FAM168A: variants seen among roughly 807,000 people sequenced by gnomAD.
FAM168A encodes protein FAM168A.
FAM168A carries 3 observed loss-of-function variants against 28.5 expected under a neutral mutation model. The ratio of observed to expected loss-of-function variants is 0.11; its 90% CI spans 0.05 to 0.27. The LOEUF (loss-of-function observed/expected upper bound fraction) is 0.27, where lower values mean the gene tolerates loss of function less well. FAM168A is among the 10% of genes least tolerant of loss of function. The probability of loss-of-function intolerance (pLI) is 1.00; values close to 1 mark genes in which losing one functional copy is unlikely to be tolerated. For missense variants in FAM168A, 222 were observed against 311.5 expected (o/e 0.71, Z 2.16); for synonymous variants, 122 against 124.2 (o/e 0.98, Z 0.12).
intron 1 of FAM168A, among the ~76,000 whole-genome samples, chr11:73,492,343 T>C (rs1868140258): frequency 6.6e-6 from 1 of 152,172 alleles, no homozygotes; most frequent in Non-Finnish European, 1.5e-5. Flanking sequence ...AGCAAAAGAC[T>C]TGGTTTAAAA....
At chr11:73,497,769 G>A (rs1174726507) in intron 1 of FAM168A, among the ~76,000 whole-genome samples, 2 of 152,090 alleles carry the variant, frequency 1.3e-5, no homozygotes, top group African/African-American at 4.8e-5. Flanking sequence ...GGGGGATGGG[G>A]AAGGGATAGC....
Position 73,445,419 on chromosome 11 carries a change from C to CTTTTTTTT in FAM168A, c.71-14657_71-14650dup, listed in dbSNP as rs56294455. Among the ~76,000 whole-genome samples the CTTTTTTTT allele has an allele frequency of 3.4e-4, 17 of 50,458 alleles. 2 individuals carry two copies. The highest frequency in any genetic ancestry group is 7.1e-4 in the African/African-American group (10 of 14,030). The allele number at this position is 50,458 out of a possible 152,430, so 33.1% of individuals were successfully genotyped here. A position where few individuals can be genotyped will look rare whatever the true frequency, so the allele number is the denominator to read the frequency against. ...CCAGTAGATATATGTAAAAATGTCT[C>CTTTTTTTT]TTTTTTTTTTTTTTTTTTTTTTTTT... On this transcript the variant is annotated intron_variant, in intron 2 of 7. Transcript: ENST00000356467.
chr11:73,478,401 G>C (rs1867921432), intron 1 of FAM168A, among the ~76,000 whole-genome samples: 1 of 152,166 alleles, frequency 6.6e-6, no homozygotes, highest in African/African-American at 2.4e-5. Flanking sequence ...TATATGAAAT[G>C]TTCAGAAAAG....
chr11:73,470,907 A>G (rs1316448762), intron 1 of FAM168A, among the ~76,000 whole-genome samples: 1 of 152,060 alleles, frequency 6.6e-6, no homozygotes, highest in African/African-American at 2.4e-5. Context: ...AATCAAAGAA[A>G]CTCATCAGCT....
chr11:73,428,142 C>T (rs938807658), intron 3 of FAM168A, among the ~76,000 whole-genome samples: 5 of 152,160 alleles, frequency 3.3e-5, no homozygotes, highest in Non-Finnish European at 7.3e-5. Flanking sequence ...ACCTGCTACT[C>T]AACTTCCCAA....
chr11:73,434,042 C>T (rs1393551727), intron 2 of FAM168A, among the ~76,000 whole-genome samples: 3 of 152,078 alleles, frequency 2.0e-5, no homozygotes, highest in Non-Finnish European at 4.4e-5. Context: ...GATGGGGTTT[C>T]ACCATGTTGG....
intron 2 of FAM168A, among the ~76,000 whole-genome samples, chr11:73,465,608 G>A (rs1867723049): frequency 6.6e-6 from 1 of 152,198 alleles, no homozygotes; most frequent in Non-Finnish European, 1.5e-5. Context: ...ACAGCAGAAA[G>A]AGCTCTGGTG....
rs113301961 is a variant in FAM168A at position 73,540,864 on chromosome 11, G to T, written c.-19+57059C>A. On this transcript the variant is annotated intron_variant, in intron 1 of 7. Coordinates refer to ENST00000356467, the MANE Select transcript of FAM168A (RefSeq NM_015159.3). ...GTTACAACTGTATCTCCAGCACTTT[G>T]AGCAGTGACCACTAGAGCAGGTGCT... Among the ~76,000 whole-genome samples, 1,082 of 152,214 alleles carry T rather than the reference G, an allele frequency of 7.1e-3. 13 individuals are homozygous for T. Among genetic ancestry groups the T allele is most frequent in the African/African-American group, 0.023 (946 of 41,532 alleles).
intron 1 of FAM168A, among the ~76,000 whole-genome samples, chr11:73,526,202 A>T (rs1032824163): frequency 6.6e-6 from 1 of 152,240 alleles, no homozygotes; most frequent in Non-Finnish European, 1.5e-5. Context: ...TGTATAATAA[A>T]TGACACAAAA....
At chr11:73,511,276 C>T (rs566674683) in intron 1 of FAM168A, among the ~76,000 whole-genome samples, 35 of 151,376 alleles carry the variant, frequency 2.3e-4, no homozygotes, top group Non-Finnish European at 4.4e-5. Context: ...CCAGCTCTGT[C>T]GCCCAGGCTG....
intron 1 of FAM168A, among the ~76,000 whole-genome samples, chr11:73,477,646 G>A (rs533318937): frequency 5.3e-5 from 8 of 152,142 alleles, no homozygotes; most frequent in South Asian, 4.2e-4. Flanking sequence ...ACAGCTGACC[G>A]GAGGCCAGAA....
intron 1 of FAM168A, among the ~76,000 whole-genome samples, chr11:73,560,603 A>G (rs1372818125): frequency 6.6e-6 from 1 of 152,258 alleles, no homozygotes; most frequent in Non-Finnish European, 1.5e-5. Context: ...GTACTCACTC[A>G]GAAAAACTGA....
intron 1 of FAM168A, among the ~76,000 whole-genome samples, chr11:73,591,082 T>C (rs1944375337): frequency 6.6e-6 from 1 of 152,012 alleles, no homozygotes; most frequent in African/African-American, 2.4e-5. Flanking sequence ...AGGAAGAGTT[T>C]GCAGTGAGCA....
intron 1 of FAM168A, chr11:73,510,632 C>A: frequency 3.5e-6 from 1 of 281,938 alleles, no homozygotes; most frequent in Non-Finnish European, 6.6e-6. Context: ...AGTACTAGCC[C>A]GTTCATGAGG....
At chr11:73,439,840 C>T (rs1029363512) in intron 2 of FAM168A, among the ~76,000 whole-genome samples, 1 of 146,596 alleles carries the variant, frequency 6.8e-6, no homozygotes. Flanking sequence ...TTTTGTGAAT[C>T]GATAATTTGG....
chr11:73,579,864 C>T (rs532394740), intron 1 of FAM168A, among the ~76,000 whole-genome samples: 2 of 152,298 alleles, frequency 1.3e-5, no homozygotes, highest in South Asian at 4.1e-4. Context: ...TCTAGTTCAG[C>T]TGGTTGCTAT....
intron 4 of FAM168A, among the ~76,000 whole-genome samples, chr11:73,419,208 G>T (rs112632688): frequency 1.3e-5 from 2 of 152,304 alleles, no homozygotes; most frequent in African/African-American, 4.8e-5. Flanking sequence ...TTACCCTACT[G>T]AGCCTCAGGA....
At chr11:73,459,107 G>A (rs1286058166) in intron 2 of FAM168A, among the ~76,000 whole-genome samples, 4 of 151,678 alleles carry the variant, frequency 2.6e-5, no homozygotes, top group African/African-American at 7.3e-5. Context: ...TTTTATAGAC[G>A]GGGTCTTGCT....
At chr11:73,426,819 C>G (rs908926404) in intron 3 of FAM168A, among the ~76,000 whole-genome samples, 2 of 151,936 alleles carry the variant, frequency 1.3e-5, no homozygotes, top group African/African-American at 2.4e-5. Flanking sequence ...TCTTTCAACT[C>G]CGAGTTTGGG....
Sources: gnomAD v4.1 joint callset for allele counts (sites outside exome capture counted in the v4.1 genomes callset) on GRCh38, gnomAD v4.1.1 for gene constraint, MANE v1.5 for transcripts, NCBI Gene and HGNC (gene_info 2026-07-23, HGNC 2026-07-21) for gene names.